FA2H: variants seen among roughly 807,000 people sequenced by gnomAD.
FA2H encodes the protein fatty acid alpha-hydroxylase.
FA2H carries 22 observed loss-of-function variants against 44.9 expected under a neutral mutation model. The observed-to-expected ratio is 0.49, with a 90% CI of 0.35 to 0.70. FA2H has a LOEUF of 0.70. Among genes scored for constraint, FA2H ranks in the 30% least tolerant of loss-of-function variants. FA2H has a pLI of 0.01. For synonymous variants in FA2H, 243 were observed against 213.2 expected (o/e 1.14, Z -1.22); for missense variants, 501 against 504.9 (o/e 0.99, Z 0.07).
chr16:74,725,834 T>C, intron 4 of FA2H: 2 of 346,148 alleles, frequency 5.8e-6, no homozygotes, highest in South Asian at 2.3e-5. Flanking sequence ...GCTGGGTTCA[T>C]AGGCCAGTCC....
At chr16:74,740,220 G>A in intron 1 of FA2H, 105 bp from the exon 2 acceptor site, 1 of 835,390 alleles carries the variant, frequency 1.2e-6, no homozygotes, top group South Asian at 1.3e-5. Context: ...AGAGCCCCGT[G>A]GGTGGGGCAG....
At chr16:74,729,359 C>T (rs1430310858) in intron 2 of FA2H, among the ~76,000 whole-genome samples, 1 of 152,112 alleles carries the variant, frequency 6.6e-6, no homozygotes, top group Non-Finnish European at 1.5e-5. Flanking sequence ...TCAGGCTGGA[C>T]TTGAACTCCT....
chr16:74,757,265 T>C (rs1192260864), intron 1 of FA2H, among the ~76,000 whole-genome samples: 2 of 152,198 alleles, frequency 1.3e-5, no homozygotes, highest in South Asian at 2.1e-4. Context: ...ACCTCCCTTA[T>C]CCTTCATATA....
chr16:74,757,185 T>C (rs1348218455), intron 1 of FA2H, among the ~76,000 whole-genome samples: 1 of 152,128 alleles, frequency 6.6e-6, no homozygotes, highest in African/African-American at 2.4e-5. Context: ...AATAGAAAGA[T>C]GGATAAAGGA....
At position 74,716,315 on chromosome 16, in the gene FA2H, TA is replaced by T. The variant is rs1567632302; in HGVS notation, c.1039+31del. The stretch of plus-strand genomic sequence containing the variant: ...TGGCAAATAAATCAATGAACACACA[TA>T]GGGGGCTGGGAAGCACAGGCCCATC... On this transcript the variant is annotated intron_variant, in intron 6 of 6. Transcript: ENST00000219368. 7 of 1,610,394 alleles carry T rather than the reference TA, an allele frequency of 4.3e-6. No individual in the cohort carries two copies. The Admixed American group carries it at 5.0e-5, about 12-fold the overall frequency.
chr16:74,763,143 T>C (rs1161551200), intron 1 of FA2H, among the ~76,000 whole-genome samples: 1 of 152,242 alleles, frequency 6.6e-6, no homozygotes, highest in Non-Finnish European at 1.5e-5. Flanking sequence ...ATTTGAGGTC[T>C]TTCTTTGATC....
In FA2H at chr16:74,749,212, G is replaced by A. The variant is rs186872907; in HGVS notation, c.271-9097C>T. 1.1e-3 allele frequency among the ~76,000 whole-genome samples: 170 copies of A among 152,338 alleles called. 1 individual carries two copies. The highest frequency in any genetic ancestry group is 3.8e-3 in the African/African-American group (159 of 41,564). On this transcript the variant is annotated intron_variant, in intron 1 of 6. Coordinates refer to ENST00000219368, the MANE Select transcript of FA2H (RefSeq NM_024306.5). ...CGGCTGAAATGAAGGCAGCGGATCC[G>A]CTTGCTTCCATCTTTAATAAGCTGC...
rs371383597 is a variant in FA2H, at chr16:74,732,238, G to A, written c.364-4852C>T. Reference sequence around the variant, plus strand: ...TTGCATGTTACACATGACAGATACTGCTATCCTGTGATTCACTTGTGCACT... The same window carrying A: ...TTGCATGTTACACATGACAGATACTACTATCCTGTGATTCACTTGTGCACT... On this transcript the variant is annotated intron_variant, in intron 2 of 6. Transcript: ENST00000219368. 2.0e-5 allele frequency among the ~76,000 whole-genome samples: 3 copies of A among 152,194 alleles called. No individual in the cohort carries two copies. The South Asian group carries it at 6.2e-4, about 32-fold the overall frequency.
At chr16:74,757,739 G>A (rs1962634228) in intron 1 of FA2H, among the ~76,000 whole-genome samples, 1 of 152,190 alleles carries the variant, frequency 6.6e-6, no homozygotes, top group Admixed American at 6.6e-5. Context: ...ATGTGTGGCT[G>A]GGCGTCGTGG....
Position 74,774,650 on chromosome 16 carries a change from G to C in FA2H, c.106C>G (p.Leu36Val), listed in dbSNP as rs1294196562. 4.1e-6 allele frequency: 6 copies of C among 1,460,866 alleles called. No individual in the cohort carries two copies. Among genetic ancestry groups the C allele is most frequent in the Non-Finnish European group, 5.4e-6 (6 of 1,110,874 alleles). The allele number at this position is 1,460,866 out of a possible 1,614,324, so 90.5% of individuals were successfully genotyped here. A position where few individuals can be genotyped will look rare whatever the true frequency, so the allele number is the denominator to read the frequency against. Residue 36 changes from leucine (L) to valine (V), a missense_variant, in exon 1 of 7, where the codon CTC becomes GTC. Leu to Val is a conservative substitution (Grantham distance 32). Transcript: ENST00000219368. ...GGGTGGTGCCGCACGAAGCTGGAGAGGTCGTAGAGGCGGGCCCCGCGGCGG... is the reference window on the plus strand; with the variant it reads ...GGGTGGTGCCGCACGAAGCTGGAGACGTCGTAGAGGCGGGCCCCGCGGCGG... ...WVRRGARLYDLSSFVRHHPGG... is the reference protein window; with the variant it reads ...WVRRGARLYDVSSFVRHHPGG...
Position 74,772,233 on chromosome 16 carries a change from C to T in FA2H, c.270+2253G>A, listed in dbSNP as rs569193273. On this transcript the variant is annotated intron_variant, in intron 1 of 6. Transcript: ENST00000219368. ...TATGTCAAGCTCTTCCTGCCAGAGC[C>T]TTCACACGTGCTGTTCCCTTTGCCC... Among the ~76,000 whole-genome samples the T allele has an allele frequency of 9.2e-5, 14 of 152,330 alleles. No individual in the cohort carries two copies. In the South Asian group the frequency reaches 2.9e-3, roughly 32 times the overall value.
At chr16:74,753,418 G>A (rs1279183725) in intron 1 of FA2H, among the ~76,000 whole-genome samples, 2 of 152,138 alleles carry the variant, frequency 1.3e-5, no homozygotes, top group Non-Finnish European at 1.5e-5. Flanking sequence ...AGGGCGAGGT[G>A]GCTCATGCCT....
intron 2 of FA2H, among the ~76,000 whole-genome samples, chr16:74,731,985 A>C (rs1293105912): frequency 1.3e-5 from 2 of 152,088 alleles, no homozygotes; most frequent in Non-Finnish European, 2.9e-5. Context: ...CAATTCTCCC[A>C]CCTCAGCTTC....
intron 2 of FA2H, among the ~76,000 whole-genome samples, chr16:74,728,755 G>T (rs1048141410): frequency 1.4e-5 from 2 of 146,458 alleles, no homozygotes; most frequent in African/African-American, 2.5e-5. Context: ...CTATTTATTT[G>T]TGTTTGTAAT....
chr16:74,767,964 G>C (rs925454125), intron 1 of FA2H, among the ~76,000 whole-genome samples: 2 of 152,208 alleles, frequency 1.3e-5, no homozygotes, highest in Non-Finnish European at 2.9e-5. Flanking sequence ...TGACCACCGG[G>C]TGGAGGAAGG....
intron 1 of FA2H, among the ~76,000 whole-genome samples, chr16:74,771,961 T>C (rs538198938): frequency 2.6e-5 from 4 of 152,036 alleles, no homozygotes; most frequent in African/African-American, 9.6e-5. Flanking sequence ...CCTTTTTTTT[T>C]TTTTTTTAAG....
At chr16:74,770,007 G>A (rs1025558040) in intron 1 of FA2H, among the ~76,000 whole-genome samples, 2 of 152,222 alleles carry the variant, frequency 1.3e-5, no homozygotes, top group African/African-American at 4.8e-5. Flanking sequence ...TGGGGTGCAG[G>A]GGGAACAAAC....
Position 74,727,334 on chromosome 16 carries a change from TCTCCCAAGTGGCCCAC to T in FA2H, c.400_415del (p.Val134ArgfsTer11), listed in dbSNP as rs1961981407. ...CTGGTGAACCCACTCATCGTACTTC[TCTCCCAAGTGGCCCAC>T]CTGCCACAGGAGAGGCTTTCGCCAG... On this transcript the variant is annotated frameshift_variant, in exon 3 of 7. Coordinates refer to ENST00000219368, the MANE Select transcript of FA2H (RefSeq NM_024306.5). LOFTEE classifies it high-confidence loss of function. The T allele has an allele frequency of 6.2e-7, 1 of 1,613,968 alleles. No individual in the cohort carries two copies. Among genetic ancestry groups the T allele is most frequent in the African/African-American group, 1.3e-5 (1 of 74,924 alleles).
chr16:74,756,958 A>G (rs1025087676), intron 1 of FA2H, among the ~76,000 whole-genome samples: 1 of 152,192 alleles, frequency 6.6e-6, no homozygotes, highest in Non-Finnish European at 1.5e-5. Context: ...GTTTTTATGT[A>G]TAAAATCTTA....
Sources: allele counts gnomAD v4.1 joint callset (sites outside exome capture counted in the v4.1 genomes callset), GRCh38; gene constraint gnomAD v4.1.1; transcripts MANE v1.5; gene names NCBI Gene and HGNC (gene_info 2026-07-23, HGNC 2026-07-21).